DPP10: variants seen among roughly 807,000 people sequenced by gnomAD.
DPP10 encodes the protein inactive dipeptidyl peptidase 10.
In DPP10, 33 loss-of-function variants were observed where a neutral mutation model predicts 120.9. That is an observed-to-expected ratio of 0.27 (90% CI 0.21 to 0.37). The LOEUF (loss-of-function observed/expected upper bound fraction) is 0.37, where lower values mean the gene tolerates loss of function less well. Ranked by LOEUF, DPP10 falls within the 10% of genes least tolerant of loss-of-function variation. The probability of loss-of-function intolerance (pLI) is 1.00; values close to 1 mark genes in which losing one functional copy is unlikely to be tolerated. For synonymous variants in DPP10, 337 were observed against 326.1 expected, an observed-to-expected ratio of 1.03 and a Z score of -0.36; for missense variants, 816 against 942.8, an observed-to-expected ratio of 0.87 and a Z score of 1.76.
intron 5 of DPP10, among the ~76,000 whole-genome samples, chr2:115,667,566 C>G (rs1412663662): frequency 6.6e-6 from 1 of 152,110 alleles, no homozygotes; most frequent in Non-Finnish European, 1.5e-5. Flanking sequence ...AAATGTCTTG[C>G]CACTTATCCC....
At chr2:115,185,269 C>T (rs1402904641) in intron 1 of DPP10, among the ~76,000 whole-genome samples, 1 of 149,194 alleles carries the variant, frequency 6.7e-6, no homozygotes, top group Non-Finnish European at 1.5e-5. Flanking sequence ...AACTTTTAGA[C>T]TATACGCATA....
intron 7 of DPP10, among the ~76,000 whole-genome samples, chr2:115,712,734 C>G (rs1387020108): frequency 2.0e-5 from 3 of 150,292 alleles, no homozygotes; most frequent in Non-Finnish European, 3.0e-5. Flanking sequence ...AGATAGAAAT[C>G]AAACCGCTAC....
chr2:114,570,356 C>T (rs1237367973), intron 1 of DPP10, among the ~76,000 whole-genome samples: 2 of 152,054 alleles, frequency 1.3e-5, no homozygotes, highest in African/African-American at 4.8e-5. Context: ...GGGCAGTTCT[C>T]CAACTTCAAT....
chr2:114,979,380 C>T (rs561646354), intron 1 of DPP10, among the ~76,000 whole-genome samples: 1 of 151,950 alleles, frequency 6.6e-6, no homozygotes, highest in East Asian at 1.9e-4. Context: ...TGTTTCCTAT[C>T]ATTTTGTTAC....
chr2:114,547,199 A>T (rs1431537804), intron 1 of DPP10, among the ~76,000 whole-genome samples: 1 of 152,234 alleles, frequency 6.6e-6, no homozygotes, highest in East Asian at 1.9e-4. Context: ...TTCATAAGTG[A>T]AGCCCAATGG....
At chr2:115,252,155 T>A (rs934117554) in intron 1 of DPP10, among the ~76,000 whole-genome samples, 8 of 152,312 alleles carry the variant, frequency 5.3e-5, no homozygotes, top group Admixed American at 3.9e-4. Context: ...TATTCAGGAA[T>A]GCTTTTTTTC....
At chr2:114,612,700 C>A (rs548373854) in intron 1 of DPP10, among the ~76,000 whole-genome samples, 8 of 152,206 alleles carry the variant, frequency 5.3e-5, no homozygotes, top group Non-Finnish European at 1.2e-4. Context: ...AAGTAGTTAG[C>A]AGTTCATAGA....
At chr2:114,955,371 A>G (rs189720298) in intron 1 of DPP10, among the ~76,000 whole-genome samples, 14 of 152,092 alleles carry the variant, frequency 9.2e-5, no homozygotes, top group African/African-American at 1.9e-4. Flanking sequence ...GACCTTTCCT[A>G]TCTCATCCTG....
At chr2:114,717,328 T>G (rs548415087) in intron 1 of DPP10, among the ~76,000 whole-genome samples, 2 of 152,304 alleles carry the variant, frequency 1.3e-5, no homozygotes, top group African/African-American at 4.8e-5. Flanking sequence ...CAAAAGACTC[T>G]CACTTAGACA....
At chr2:114,724,060 T>C (rs1237854505) in intron 1 of DPP10, among the ~76,000 whole-genome samples, 1 of 152,190 alleles carries the variant, frequency 6.6e-6, no homozygotes, top group East Asian at 1.9e-4. Context: ...GATGTTTCTA[T>C]TTATACCAAG....
At chr2:115,259,442 C>T (rs1482423327) in intron 1 of DPP10, among the ~76,000 whole-genome samples, 1 of 151,662 alleles carries the variant, frequency 6.6e-6, no homozygotes, top group Non-Finnish European at 1.5e-5. Flanking sequence ...CGAGATCGCA[C>T]CATTGCACTC....
chr2:115,426,815 A>G (rs2070514373), intron 3 of DPP10, among the ~76,000 whole-genome samples: 1 of 152,226 alleles, frequency 6.6e-6, no homozygotes, highest in Non-Finnish European at 1.5e-5. Context: ...TGCCTTCCCA[A>G]TAGTCCCCCA....
chr2:115,167,150 TG>T, intron 1 of DPP10, among the ~76,000 whole-genome samples: 1 of 152,106 alleles, frequency 6.6e-6, no homozygotes, highest in Non-Finnish European at 1.5e-5. Context: ...TTTAGATGTT[TG>T]TTCTAACGGT....
intron 1 of DPP10, among the ~76,000 whole-genome samples, chr2:114,609,171 A>G (rs1209468696): frequency 6.6e-6 from 1 of 152,164 alleles, no homozygotes; most frequent in African/African-American, 2.4e-5. Flanking sequence ...CAAAGCAGAA[A>G]AGCAGCAAGA....
In DPP10 at chr2:115,515,862, GT is replaced by G. The variant is rs548211708; in HGVS notation, c.367-10031del. 3.5e-3 allele frequency among the ~76,000 whole-genome samples: 528 copies of G among 152,096 alleles called. 2 individuals carry two copies. Among genetic ancestry groups the G allele is most frequent in the African/African-American group, 0.012 (491 of 41,520 alleles). On this transcript the variant is annotated intron_variant, in intron 4 of 25. Coordinates refer to ENST00000410059, the MANE Select transcript of DPP10 (RefSeq NM_020868.6). ...AATATTACCCTTAAATTTTCCTTCA[GT>G]TTTTAAAATGAAATAAAATGAATAA...
chr2:115,113,510 G>T (rs2104694382), intron 1 of DPP10, among the ~76,000 whole-genome samples: 1 of 152,182 alleles, frequency 6.6e-6, no homozygotes, highest in Non-Finnish European at 1.5e-5. Context: ...AATCTGATTA[G>T]TGTGAAGTCA....
At chr2:115,354,471 A>C (rs934601556) in intron 3 of DPP10, among the ~76,000 whole-genome samples, 6 of 152,058 alleles carry the variant, frequency 3.9e-5, no homozygotes, top group Non-Finnish European at 7.4e-5. Context: ...TTTCTGCATT[A>C]ATTAGCATAG....
intron 4 of DPP10, among the ~76,000 whole-genome samples, chr2:115,523,270 G>A (rs146338054): frequency 1.8e-4 from 28 of 152,060 alleles, no homozygotes; most frequent in East Asian, 5.8e-4. Context: ...CGTTGTTACC[G>A]GAGGCACAGA....
At chr2:115,108,122 T>C (rs1196485764) in intron 1 of DPP10, among the ~76,000 whole-genome samples, 1 of 152,202 alleles carries the variant, frequency 6.6e-6, no homozygotes, top group Non-Finnish European at 1.5e-5. Context: ...GGACCCTCCA[T>C]AGATATTTAC....
Sources: gnomAD v4.1 joint callset for allele counts (sites outside exome capture counted in the v4.1 genomes callset) on GRCh38, gnomAD v4.1.1 for gene constraint, MANE v1.5 for transcripts, NCBI Gene and HGNC (gene_info 2026-07-23, HGNC 2026-07-21) for gene names.